SLC35D4: variants seen among roughly 807,000 people sequenced by gnomAD.
SLC35D4 encodes the protein solute carrier family 35 member D4.
chr18:23,365,120 C>T, the SLC35D4 span, among the ~76,000 whole-genome samples: 1 of 151,962 alleles, frequency 6.6e-6, no homozygotes, highest in Non-Finnish European at 1.5e-5. Context: ...TGAGGTTACC[C>T]TTTGGGATGA....
At chr18:23,374,432 A>G in the SLC35D4 span, among the ~76,000 whole-genome samples, 1 of 152,190 alleles carries the variant, frequency 6.6e-6, no homozygotes, top group Non-Finnish European at 1.5e-5. Flanking sequence ...ATGAAAGACA[A>G]TAAAAAACTG....
chr18:23,365,597 A>C, the SLC35D4 span: 1 of 1,611,322 alleles, frequency 6.2e-7, no homozygotes, highest in Non-Finnish European at 8.5e-7. Flanking sequence ...AAGCAATGTC[A>C]AACAGACAAA....
the SLC35D4 span, among the ~76,000 whole-genome samples, chr18:23,405,376 A>T: frequency 6.6e-6 from 1 of 152,040 alleles, no homozygotes; most frequent in Non-Finnish European, 1.5e-5. Context: ...CTTAGTAGAG[A>T]TGGGCGTTTC....
the SLC35D4 span, among the ~76,000 whole-genome samples, chr18:23,414,583 G>C: frequency 2.0e-5 from 3 of 151,554 alleles, no homozygotes; most frequent in African/African-American, 7.3e-5. Flanking sequence ...TGAGGCAAGA[G>C]AGTCGCTTGA....
the SLC35D4 span, among the ~76,000 whole-genome samples, chr18:23,350,408 A>C: frequency 6.6e-6 from 1 of 152,184 alleles, no homozygotes. Flanking sequence ...GGGAGAGCAC[A>C]TTCAAACCCC....
the SLC35D4 span, chr18:23,257,343 C>T: frequency 6.2e-7 from 1 of 1,611,332 alleles, no homozygotes; most frequent in Non-Finnish European, 8.5e-7. Flanking sequence ...TGCCCCACTA[C>T]AGACGGCTGG....
At chr18:23,243,092 C>CTA in the SLC35D4 span, among the ~76,000 whole-genome samples, 10 of 150,856 alleles carry the variant, frequency 6.6e-5, no homozygotes, top group African/African-American at 1.5e-4. Flanking sequence ...GAATATAGAA[C>CTA]TATATATATA....
the SLC35D4 span, among the ~76,000 whole-genome samples, chr18:23,252,623 A>G: frequency 5.3e-5 from 8 of 152,266 alleles, no homozygotes; most frequent in South Asian, 1.7e-3. Context: ...TGCACATCCA[A>G]GCCCCACGCG....
the SLC35D4 span, among the ~76,000 whole-genome samples, chr18:23,414,331 A>AAGGAAGGAAGGCAGGC: frequency 0.012 from 1,690 of 140,402 alleles, 31 homozygotes; most frequent in African/African-American, 0.042. Context: ...GGAAGGAAGG[A>AAGGAAGGAAGGCAGGC]AGGCAGGCAG....
chr18:23,425,454 A>G, the SLC35D4 span, among the ~76,000 whole-genome samples: 2 of 152,264 alleles, frequency 1.3e-5, no homozygotes, highest in Admixed American at 1.3e-4. Context: ...TTATATCCCA[A>G]CAAATTGATC....
chr18:23,430,813 C>T, the SLC35D4 span: 2 of 766,824 alleles, frequency 2.6e-6, no homozygotes, highest in Non-Finnish European at 4.1e-6. Flanking sequence ...CCATTATTCC[C>T]ACCAAAATCA....
At chr18:23,379,851 T>C in the SLC35D4 span, among the ~76,000 whole-genome samples, 1 of 151,898 alleles carries the variant, frequency 6.6e-6, no homozygotes, top group Non-Finnish European at 1.5e-5. Context: ...ATCCCAGCAC[T>C]TGGGGAGGCC....
the SLC35D4 span, among the ~76,000 whole-genome samples, chr18:23,400,169 C>A: frequency 3.9e-5 from 6 of 152,190 alleles, no homozygotes; most frequent in Non-Finnish European, 4.4e-5. Context: ...TGCTGGAATT[C>A]TGGTTCAGGG....
chr18:23,389,290 G>A, the SLC35D4 span, among the ~76,000 whole-genome samples: 4 of 152,030 alleles, frequency 2.6e-5, no homozygotes, highest in Admixed American at 2.6e-4. Context: ...TGCCTGGCCT[G>A]TCAGGTAGTT....
At chr18:23,299,346 A>G in the SLC35D4 span, among the ~76,000 whole-genome samples, 1 of 152,198 alleles carries the variant, frequency 6.6e-6, no homozygotes. Context: ...CTCTGAGAGT[A>G]GCAATCCCCT....
chr18:23,271,214 T>C, the SLC35D4 span, among the ~76,000 whole-genome samples: 1 of 152,236 alleles, frequency 6.6e-6, no homozygotes, highest in African/African-American at 2.4e-5. Flanking sequence ...TCTGCCGCCA[T>C]GTGAGACATG....
chr18:23,412,494 G>C, the SLC35D4 span, among the ~76,000 whole-genome samples: 5 of 150,494 alleles, frequency 3.3e-5, no homozygotes, highest in East Asian at 9.7e-4. Flanking sequence ...TTTTTTTTTG[G>C]TCCACTACTG....
At chr18:23,428,030 G>A in the SLC35D4 span, among the ~76,000 whole-genome samples, 3 of 152,124 alleles carry the variant, frequency 2.0e-5, no homozygotes, top group African/African-American at 7.2e-5. Context: ...GGGTTGGGGG[G>A]AGAGGGGAGG....
At chr18:23,239,662 A>G in the SLC35D4 span, among the ~76,000 whole-genome samples, 1 of 152,224 alleles carries the variant, frequency 6.6e-6, no homozygotes, top group Non-Finnish European at 1.5e-5. Context: ...TGAACCAAGT[A>G]TTGATTGAGG....
Sources: gnomAD v4.1 joint callset for allele counts (sites outside exome capture counted in the v4.1 genomes callset) on GRCh38, gnomAD v4.1.1 for gene constraint, MANE v1.5 for transcripts, NCBI Gene and HGNC (gene_info 2026-07-23, HGNC 2026-07-21) for gene names.